Variants in ANKRD39 observed in about 807,000 individuals in gnomAD.
The protein encoded by ANKRD39 is ankyrin repeat domain-containing protein 39.
Under a neutral mutation model 20.3 loss-of-function variants are expected in ANKRD39, and 18 were observed. The observed-to-expected ratio is 0.89, with a 90% CI of 0.61 to 1.32. The LOEUF (loss-of-function observed/expected upper bound fraction) is 1.32, where lower values mean the gene tolerates loss of function less well. ANKRD39 is among the 40% of genes most tolerant of loss of function. The pLI, the probability that ANKRD39 is intolerant of heterozygous loss-of-function variation, is 0.00. For synonymous variants in ANKRD39, 106 were observed against 111.9 expected, an observed-to-expected ratio of 0.95 and a Z score of 0.33; for missense variants, 243 against 250.7, an observed-to-expected ratio of 0.97 and a Z score of 0.21.
intron 1 of ANKRD39, among the ~76,000 whole-genome samples, chr2:96,856,174 T>C (rs951518142): frequency 9.2e-5 from 14 of 152,122 alleles, no homozygotes; most frequent in Admixed American, 9.2e-4. Flanking sequence ...GTAAAAATTG[T>C]TTTTTATGAA....
intron 3 of ANKRD39, among the ~76,000 whole-genome samples, chr2:96,851,345 G>A (rs142350543): frequency 0.016 from 2,425 of 152,120 alleles, 27 homozygotes; most frequent in Non-Finnish European, 0.023. Context: ...TAGTAGAGAC[G>A]GGGTTTCTCC....
At chr2:96,857,683 C>T (rs1345643356) in intron 1 of ANKRD39, among the ~76,000 whole-genome samples, 1 of 152,254 alleles carries the variant, frequency 6.6e-6, no homozygotes, top group Admixed American at 6.5e-5. Context: ...GCCCGCGGGA[C>T]AGGTGTCTCC....
intron 3 of ANKRD39, among the ~76,000 whole-genome samples, 183 bp downstream of exon 3, chr2:96,853,218 C>T (rs772964730): frequency 6.6e-6 from 1 of 152,144 alleles, no homozygotes; most frequent in Non-Finnish European, 1.5e-5. Flanking sequence ...TTAATTTACA[C>T]GCTCAGAAAA....
At chr2:96,854,034 G>C (rs1332570220) in intron 2 of ANKRD39, among the ~76,000 whole-genome samples, 1 of 152,202 alleles carries the variant, frequency 6.6e-6, no homozygotes, top group Non-Finnish European at 1.5e-5. Context: ...GGCTGAGGCA[G>C]GAGAATCGCT....
At chr2:96,856,948 G>A (rs1481142464) in intron 1 of ANKRD39, among the ~76,000 whole-genome samples, 1 of 152,188 alleles carries the variant, frequency 6.6e-6, no homozygotes, top group Non-Finnish European at 1.5e-5. Context: ...AGAAAAGCAT[G>A]AGAAATAAAA....
chr2:96,854,662 C>T (rs1467312831), intron 1 of ANKRD39, among the ~76,000 whole-genome samples: 3 of 152,296 alleles, frequency 2.0e-5, no homozygotes, highest in Admixed American at 6.5e-5. Context: ...TAGGACTGGG[C>T]GGACACAGAC....
chr2:96,855,993 AAACAAC>A (rs932286356), intron 1 of ANKRD39, among the ~76,000 whole-genome samples: 2 of 147,398 alleles, frequency 1.4e-5, no homozygotes, highest in African/African-American at 2.4e-5. Flanking sequence ...AACAACAACA[AAACAAC>A]AACAACAACA....
rs147783814 is a variant in ANKRD39 at position 96,854,357 on chromosome 2, G to A, written c.185C>T (p.Ser62Leu). ...QKAEDPSQPD[S>L]AGYTALHYAS... ...GCTCACCAGCGCAGTGTAGCCGGCC[G>A]AGTCGGGCTGACTTGGGTCCTCGGC... Residue 62 changes from serine (S) to leucine (L), a missense_variant, in exon 2 of 4, where the codon TCG (serine) becomes TTG (leucine). Ser to Leu is a moderately radical substitution (Grantham distance 145, BLOSUM62 -2). Transcript: ENST00000393537. 9.8e-4 allele frequency: 1,577 copies of A among 1,613,938 alleles called. 2 individuals are homozygous for A. Among genetic ancestry groups the A allele is most frequent in the Non-Finnish European group, 1.1e-3 (1,350 of 1,180,004 alleles).
intron 3 of ANKRD39, among the ~76,000 whole-genome samples, chr2:96,852,494 GAAAAAAGAC>G (rs1192967204): frequency 5.5e-5 from 5 of 91,736 alleles, no homozygotes; most frequent in Non-Finnish European, 8.7e-5. Context: ...GAGGGGTGGG[GAAAAAAGAC>G]AAAAAAGACA....
intron 3 of ANKRD39, among the ~76,000 whole-genome samples, chr2:96,851,124 G>A (rs1050408930): frequency 1.3e-5 from 2 of 151,948 alleles, no homozygotes; most frequent in African/African-American, 4.8e-5. Context: ...CTCCTGAGTA[G>A]CTGGAATTAC....
chr2:96,855,312 T>C (rs1272402285), intron 1 of ANKRD39, among the ~76,000 whole-genome samples: 1 of 151,906 alleles, frequency 6.6e-6, no homozygotes, highest in Non-Finnish European at 1.5e-5. Flanking sequence ...GTTGATAAAT[T>C]AAAAAACAGA....
intron 1 of ANKRD39, among the ~76,000 whole-genome samples, chr2:96,855,776 G>A (rs2079860138): frequency 6.6e-6 from 1 of 150,828 alleles, no homozygotes; most frequent in East Asian, 1.9e-4. Context: ...AGGAGATCAA[G>A]ACCATCCTGG....
chr2:96,851,825 G>A (rs1393925264), intron 3 of ANKRD39, among the ~76,000 whole-genome samples: 2 of 152,100 alleles, frequency 1.3e-5, no homozygotes, highest in East Asian at 3.9e-4. Flanking sequence ...ATAAAAAACG[G>A]GAGGGGAGAG....
intron 3 of ANKRD39, among the ~76,000 whole-genome samples, chr2:96,849,106 C>G (rs2079824452): frequency 6.6e-6 from 1 of 152,118 alleles, no homozygotes; most frequent in African/African-American, 2.4e-5. Context: ...AGACACGGCC[C>G]CTACCCATTG....
Position 96,855,753 on chromosome 2 carries a change from G to A in ANKRD39, c.101-1312C>T, listed in dbSNP as rs144022567. Among the ~76,000 whole-genome samples the A allele has an allele frequency of 2.9e-3, 444 of 151,720 alleles. 2 individuals carry two copies. Among genetic ancestry groups the A allele is most frequent in the African/African-American group, 0.01 (417 of 41,344 alleles). On this transcript the variant is annotated intron_variant, in intron 1 of 3. Transcript: ENST00000393537. ...AAAAAAAAAAGATATATTACTGTGC[G>A]GATCACGAGGTCAGGAGATCAAGAC...
Position 96,852,541 on chromosome 2 carries a change from G to C in ANKRD39, c.408+860C>G, listed in dbSNP as rs889255549. On this transcript the variant is annotated intron_variant, in intron 3 of 3. Transcript: ENST00000393537. ...AAAAAAAAAAAAAAACCTGGAGAAG[G>C]GGGCAGGAGCAAACCCCAGGAAACC... Among the ~76,000 whole-genome samples, 11 of 150,982 alleles carry C rather than the reference G, an allele frequency of 7.3e-5. No homozygotes were observed. In the East Asian group the frequency reaches 1.2e-3, roughly 16 times the overall value.
chr2:96,855,852 C>T (rs1008514812), intron 1 of ANKRD39, among the ~76,000 whole-genome samples: 4 of 152,194 alleles, frequency 2.6e-5, no homozygotes, highest in Non-Finnish European at 2.9e-5. Flanking sequence ...TGGTGGCGGG[C>T]GCCTGTAGTC....
Position 96,857,872 on chromosome 2 carries a change from C to T in ANKRD39, c.100+16G>A. 6.4e-7 allele frequency: 1 copy of T among 1,558,726 alleles called. No homozygotes were observed. The highest frequency in any genetic ancestry group is 1.4e-5 in the African/African-American group (1 of 73,822). On this transcript the variant is annotated intron_variant, in intron 1 of 3. Coordinates refer to ENST00000393537, the MANE Select transcript of ANKRD39 (RefSeq NM_016466.6). ...GGGGCCTGGTGAGAACCACGAGGGC[C>T]GCGCGGCAGCCTCACCCCTCTCGAA... is the stretch of plus-strand genomic sequence containing the variant.
At chr2:96,853,253 C>T in intron 3 of ANKRD39, 148 bp downstream of exon 3, 1 of 1,007,928 alleles carries the variant, frequency 9.9e-7, no homozygotes, top group Non-Finnish European at 1.4e-6. Flanking sequence ...ACCCATTAGT[C>T]CTAAAGTGAT....
Sources: gnomAD v4.1 joint callset for allele counts (sites outside exome capture counted in the v4.1 genomes callset) on GRCh38, gnomAD v4.1.1 for gene constraint, MANE v1.5 for transcripts, NCBI Gene and HGNC (gene_info 2026-07-23, HGNC 2026-07-21) for gene names.